SUZ12: variants seen among roughly 807,000 people sequenced by gnomAD.
The protein encoded by SUZ12 is polycomb protein SUZ12.
Under a neutral mutation model 87.3 loss-of-function variants are expected in SUZ12, and 17 were observed. That is an observed-to-expected ratio of 0.19 (90% CI 0.13 to 0.29). The LOEUF (loss-of-function observed/expected upper bound fraction) is 0.29, where lower values mean the gene tolerates loss of function less well. Among genes scored for constraint, SUZ12 ranks in the 10% least tolerant of loss-of-function variants. SUZ12 has a pLI of 1.00. For synonymous variants in SUZ12, 253 were observed against 312.4 expected (o/e 0.81, Z 2.01); for missense variants, 526 against 912.2 (o/e 0.58, Z 5.45).
At chr17:31,997,666 CAAA>C (rs892389046) in intron 15 of SUZ12, among the ~76,000 whole-genome samples, 82 of 70,400 alleles carry the variant, frequency 1.2e-3, no homozygotes, top group African/African-American at 3.4e-3. Context: ...ACCCTATCTC[CAAA>C]AAAAAAAAAA....
At chr17:31,998,008 C>G (rs1456336485) in intron 15 of SUZ12, among the ~76,000 whole-genome samples, 2 of 151,800 alleles carry the variant, frequency 1.3e-5, no homozygotes, top group Admixed American at 1.3e-4. Flanking sequence ...GATGCCAAGG[C>G]AGGAGGATCA....
chr17:31,992,850 G>A (rs944498055), intron 10 of SUZ12, among the ~76,000 whole-genome samples: 12 of 152,140 alleles, frequency 7.9e-5, no homozygotes, highest in Non-Finnish European at 1.6e-4. Flanking sequence ...GATTGCAGGT[G>A]CCCGCCACCA....
intron 8 of SUZ12, among the ~76,000 whole-genome samples, chr17:31,980,503 G>A (rs565766686): frequency 7.9e-5 from 10 of 126,492 alleles, no homozygotes; most frequent in South Asian, 2.6e-4. Flanking sequence ...AGGCTGGAGC[G>A]CAAAGGCACC....
At chr17:31,975,134 G>C (rs1038710656) in intron 6 of SUZ12, among the ~76,000 whole-genome samples, 1 of 151,936 alleles carries the variant, frequency 6.6e-6, no homozygotes, top group African/African-American at 2.4e-5. Context: ...TTTTAGCATG[G>C]TTTTTTTGTT....
At chr17:31,953,547 A>G (rs1309981281) in intron 4 of SUZ12, among the ~76,000 whole-genome samples, 1 of 152,022 alleles carries the variant, frequency 6.6e-6, no homozygotes, top group Non-Finnish European at 1.5e-5. Context: ...AGCTGGGACT[A>G]CAGGCATGTA....
intron 10 of SUZ12, among the ~76,000 whole-genome samples, chr17:31,989,280 G>A (rs1954627142): frequency 6.6e-6 from 1 of 151,922 alleles, no homozygotes; most frequent in Non-Finnish European, 1.5e-5. Context: ...TATGAATCAT[G>A]GTAAATTAAG....
chr17:31,968,630 A>G (rs959195763), intron 5 of SUZ12, among the ~76,000 whole-genome samples: 6 of 152,194 alleles, frequency 3.9e-5, no homozygotes, highest in African/African-American at 1.4e-4. Flanking sequence ...TATTTTTTAT[A>G]TAGAAGTAAC....
chr17:31,989,215 T>A (rs1909570731), intron 10 of SUZ12, among the ~76,000 whole-genome samples: 1 of 152,036 alleles, frequency 6.6e-6, no homozygotes, highest in Non-Finnish European at 1.5e-5. Context: ...GAGCCACCTC[T>A]GCTGGCCTCT....
intron 4 of SUZ12, among the ~76,000 whole-genome samples, chr17:31,955,852 G>A (rs1337490603): frequency 2.6e-5 from 4 of 152,066 alleles, no homozygotes; most frequent in Non-Finnish European, 5.9e-5. Context: ...AAAGCATTGA[G>A]ATTACAAGTG....
At chr17:31,986,688 A>G (rs1407187888) in intron 9 of SUZ12, among the ~76,000 whole-genome samples, 1 of 152,102 alleles carries the variant, frequency 6.6e-6, no homozygotes, top group Non-Finnish European at 1.5e-5. Context: ...AGTAGCTGGG[A>G]TTACAGGCGC....
At chr17:31,978,676 G>T (rs2142184768) in intron 8 of SUZ12, among the ~76,000 whole-genome samples, 1 of 152,126 alleles carries the variant, frequency 6.6e-6, no homozygotes, top group Admixed American at 6.5e-5. Context: ...GGCAGCATGG[G>T]GTATGTTCTA....
intron 4 of SUZ12, among the ~76,000 whole-genome samples, chr17:31,962,622 T>A (rs183370344): frequency 6.6e-6 from 1 of 152,104 alleles, no homozygotes; most frequent in Non-Finnish European, 1.5e-5. Context: ...AGCCTCACAC[T>A]CTCTGTGAGA....
chr17:31,940,028 TAGAA>T (rs1906179174), intron 1 of SUZ12, among the ~76,000 whole-genome samples: 1 of 152,218 alleles, frequency 6.6e-6, no homozygotes, highest in African/African-American at 2.4e-5. Context: ...ATAACTATCT[TAGAA>T]AGGCTTAAGA....
chr17:31,972,737 A>G (rs993182419), intron 5 of SUZ12, among the ~76,000 whole-genome samples: 9 of 149,474 alleles, frequency 6.0e-5, no homozygotes, highest in African/African-American at 1.7e-4. Flanking sequence ...TATACTTACA[A>G]CCTGGGCATG....
intron 5 of SUZ12, among the ~76,000 whole-genome samples, chr17:31,968,693 T>TA (rs1394305041): frequency 3.3e-5 from 5 of 152,232 alleles, no homozygotes; most frequent in Non-Finnish European, 7.3e-5. Flanking sequence ...ATGGTCTGCT[T>TA]AGAGTCCTTA....
intron 3 of SUZ12, among the ~76,000 whole-genome samples, chr17:31,941,543 C>G (rs111591103): frequency 0.01 from 1,134 of 111,426 alleles, 13 homozygotes; most frequent in African/African-American, 0.038. Flanking sequence ...AGGCATGAGC[C>G]ACCGTGCCTG....
rs537324563 is a variant in SUZ12, at chr17:31,979,759, A to C, written c.917+3145A>C. The stretch of plus-strand genomic sequence containing the variant: ...AACAGTACTTTTTTCCCTTTTATAT[A>C]AATCAGCATATAATTCTTATGCTAA... On this transcript the variant is annotated intron_variant, in intron 8 of 15. Coordinates refer to ENST00000322652, the MANE Select transcript of SUZ12 (RefSeq NM_015355.4). Among the ~76,000 whole-genome samples the C allele has an allele frequency of 9.2e-5, 14 of 152,314 alleles. No individual in the cohort carries two copies. The South Asian group carries it at 2.7e-3, about 29-fold the overall frequency.
chr17:31,997,724 G>A (rs1469435851), intron 15 of SUZ12, among the ~76,000 whole-genome samples: 2 of 149,472 alleles, frequency 1.3e-5, no homozygotes, highest in Admixed American at 1.3e-4. Context: ...GGGAGCAGCA[G>A]AAGGCAAGAC....
intron 11 of SUZ12, 134 bp downstream of exon 11, chr17:31,993,467 G>T: frequency 1.5e-6 from 1 of 683,188 alleles, no homozygotes; most frequent in Admixed American, 3.3e-5. Flanking sequence ...TTTTGCCCAG[G>T]CTGGAGTGCA....
Sources: allele counts gnomAD v4.1 joint callset (sites outside exome capture counted in the v4.1 genomes callset), GRCh38; gene constraint gnomAD v4.1.1; transcripts MANE v1.5; gene names NCBI Gene and HGNC (gene_info 2026-07-23, HGNC 2026-07-21).